SAP130: variants seen among roughly 807,000 people sequenced by gnomAD.
SAP130 encodes histone deacetylase complex subunit SAP130.
Under a neutral mutation model 103.2 loss-of-function variants are expected in SAP130, and 16 were observed. That is an observed-to-expected ratio of 0.16 (90% confidence interval 0.10 to 0.24). SAP130 has a LOEUF of 0.24. Among genes scored for constraint, SAP130 ranks in the 10% least tolerant of loss-of-function variants. The pLI, the probability that SAP130 is intolerant of heterozygous loss-of-function variation, is 1.00. For missense variants in SAP130, 990 were observed against 1,359.7 expected, an observed-to-expected ratio of 0.73 and a Z score of 4.28; for synonymous variants, 477 against 497.0, an observed-to-expected ratio of 0.96 and a Z score of 0.53.
At chr2:127,985,296 A>G (rs1313165022) in intron 14 of SAP130, among the ~76,000 whole-genome samples, 2 of 152,272 alleles carry the variant, frequency 1.3e-5, no homozygotes, top group Non-Finnish European at 2.9e-5. Flanking sequence ...AAAAAAGTAC[A>G]AAGTATTCAT....
At chr2:127,951,175 C>T (rs1045107004) in intron 16 of SAP130, among the ~76,000 whole-genome samples, 2 of 152,152 alleles carry the variant, frequency 1.3e-5, no homozygotes, top group African/African-American at 4.8e-5. Flanking sequence ...GGCTTCAGAG[C>T]TTGCACTCTC....
chr2:128,017,093 G>A (rs570097122), intron 3 of SAP130, among the ~76,000 whole-genome samples: 3 of 152,330 alleles, frequency 2.0e-5, no homozygotes, highest in East Asian at 1.9e-4. Context: ...AAGCTAAGGC[G>A]GGCAGACCAC....
At chr2:128,027,102 C>A in intron 1 of SAP130, 1 of 1,416,240 alleles carries the variant, frequency 7.1e-7, no homozygotes. Flanking sequence ...CTGTAGCCGC[C>A]GCCCGCCGCC....
Position 127,989,388 on chromosome 2 carries a change from T to C in SAP130, c.1780+176A>G, listed in dbSNP as rs1452919482. On this transcript the variant is annotated intron_variant, in intron 13 of 20. Transcript: ENST00000643581. This position sits in a 1 kb window ranked among gnomAD's most constrained non-coding sequence, Gnocchi z 4.6. ...CTGGGATTACAGTGAGGTATATTAT[T>C]TCTAACGTTTACAGTGACCCTGAAA... Among the ~76,000 whole-genome samples the C allele has an allele frequency of 6.6e-6, 1 of 152,110 alleles. No individual in the cohort carries two copies. The highest frequency in any genetic ancestry group is 1.5e-5 in the Non-Finnish European group (1 of 68,002).
At chr2:127,948,843 C>T (rs1012074825) in intron 18 of SAP130, among the ~76,000 whole-genome samples, 2 of 152,202 alleles carry the variant, frequency 1.3e-5, no homozygotes, top group South Asian at 2.1e-4. Context: ...TTTTGAAGAG[C>T]GAGTCCCAAT....
intron 10 of SAP130, among the ~76,000 whole-genome samples, chr2:127,999,159 C>T (rs571529996): frequency 1.3e-5 from 2 of 152,276 alleles, no homozygotes; most frequent in Non-Finnish European, 1.5e-5. Flanking sequence ...TGAGCACCTA[C>T]TTAAGGGCTG....
Position 127,989,535 on chromosome 2 carries a change from C to T in SAP130, c.1780+29G>A. ...CCCAAATGTATTTCTTTTCTCCAAA[C>T]CACCTTCTATGCAAAAATTTAAAAT... On this transcript the variant is annotated intron_variant, in intron 13 of 20. Coordinates refer to ENST00000643581, the MANE Select transcript of SAP130 (RefSeq NM_001330301.2). This position sits in a 1 kb window ranked among gnomAD's most constrained non-coding sequence, Gnocchi z 4.6. 1 of 1,576,568 alleles carries T rather than the reference C, an allele frequency of 6.3e-7. No individual in the cohort carries two copies. The highest frequency in any genetic ancestry group is 1.2e-5 in the South Asian group (1 of 86,118).
In SAP130 at chr2:127,941,793, G is replaced by T; in HGVS notation, c.*213C>A. 1.3e-5 allele frequency: 7 copies of T among 555,208 alleles called. No homozygotes were observed. Among genetic ancestry groups the T allele is most frequent in the Admixed American group, 3.6e-5 (1 of 27,768 alleles). 34.4% of individuals were successfully genotyped at this position (555,208 alleles called of 1,614,324 possible). A position where few individuals can be genotyped will look rare whatever the true frequency, so the allele number is the denominator to read the frequency against. On this transcript the variant is annotated 3_prime_UTR_variant, in exon 21 of 21. Transcript: ENST00000643581. ...TTATGACACAGATCAGGTTTAACAG[G>T]GGTGCACCCGAACGCAAGAAGGCAG...
At chr2:127,944,433 A>ATTTTTTTTTTTTTTTTTTTTG (rs70985489) in intron 19 of SAP130, among the ~76,000 whole-genome samples, 1 of 150,160 alleles carries the variant, frequency 6.7e-6, no homozygotes, top group Non-Finnish European at 1.5e-5. Context: ...TGTCTCTACA[A>ATTTTTTTTTTTTTTTTTTTTG]TTTTTTTTTT....
intron 18 of SAP130, among the ~76,000 whole-genome samples, chr2:127,949,586 T>C (rs1369331806): frequency 6.6e-6 from 1 of 152,194 alleles, no homozygotes; most frequent in Non-Finnish European, 1.5e-5. Context: ...CCTCTATCAG[T>C]ACTTTGGGAG....
chr2:128,025,092 G>A (rs1313482574), intron 2 of SAP130, among the ~76,000 whole-genome samples: 1 of 151,344 alleles, frequency 6.6e-6, no homozygotes, highest in African/African-American at 2.4e-5. Context: ...AGAATCCAGT[G>A]GTGAAGAAAA....
At chr2:127,979,701 C>T (rs1421684259) in intron 14 of SAP130, among the ~76,000 whole-genome samples, 1 of 152,008 alleles carries the variant, frequency 6.6e-6, no homozygotes, top group Non-Finnish European at 1.5e-5. Context: ...ATGTATCTCT[C>T]CATAGGAACA....
intron 15 of SAP130, among the ~76,000 whole-genome samples, chr2:127,958,635 T>TGAGAGA (rs372337440): frequency 0.014 from 1,804 of 127,626 alleles, 22 homozygotes; most frequent in African/African-American, 0.022. Context: ...GTGAGACAGA[T>TGAGAGA]GAGAGAGAGA....
chr2:127,991,522 G>T (rs557417683), intron 12 of SAP130, among the ~76,000 whole-genome samples: 1 of 151,996 alleles, frequency 6.6e-6, no homozygotes, highest in South Asian at 2.1e-4. Flanking sequence ...TGTATTTTTG[G>T]TAGAGACTAG....
chr2:127,966,386 A>G (rs951333523), intron 15 of SAP130, among the ~76,000 whole-genome samples: 1 of 151,798 alleles, frequency 6.6e-6, no homozygotes, highest in African/African-American at 2.4e-5. Flanking sequence ...TTCATTGTAA[A>G]TTAGATTCTT....
intron 5 of SAP130, 47 bp from the exon 6 acceptor site, chr2:128,013,201 T>G: frequency 6.6e-7 from 1 of 1,515,450 alleles, no homozygotes; most frequent in Admixed American, 2.0e-5. Context: ...TTATATTCCC[T>G]GGGAAAATAA....
rs202093295 is a variant in SAP130, at chr2:128,017,734, C to T, written c.294G>A (p.Pro98=). ...ASATPVAVTA[P]PAHLTPAVPL... ...GCACTGCTGGCGTCAGGTGTGCTGG[C>T]GGGGCTGTCACTGCAACAGGTGTGG... The change falls in exon 3 of 21, where the codon CCG becomes CCA. Residue 98 remains proline, a synonymous_variant. Transcript: ENST00000643581. 2.8e-5 allele frequency: 45 copies of T among 1,614,192 alleles called. No homozygotes were observed. In the East Asian group the frequency reaches 8.2e-4, roughly 30 times the overall value.
At chr2:128,002,886 G>A (rs1573799316) in intron 7 of SAP130, among the ~76,000 whole-genome samples, 1 of 152,118 alleles carries the variant, frequency 6.6e-6, no homozygotes, top group African/African-American at 2.4e-5. Context: ...CAGCACTTTG[G>A]GAGGCCAAGG....
intron 14 of SAP130, among the ~76,000 whole-genome samples, chr2:127,983,989 C>T (rs1682183880): frequency 2.0e-5 from 3 of 150,920 alleles, no homozygotes; most frequent in Admixed American, 2.0e-4. Flanking sequence ...CTTTGTAATC[C>T]CTGTTCCTTT....
Sources: gnomAD v4.1 joint callset for allele counts (sites outside exome capture counted in the v4.1 genomes callset) on GRCh38, gnomAD v4.1.1 for gene constraint, Gnocchi (gnomAD v3.1) non-coding constraint, MANE v1.5 for transcripts, NCBI Gene and HGNC (gene_info 2026-07-23, HGNC 2026-07-21) for gene names.